The following NSMCE2 variants were observed in gnomAD, a reference collection of about 807,000 sequenced individuals.
The protein encoded by NSMCE2 is E3 SUMO-protein ligase NSE2.
In NSMCE2, 24 loss-of-function variants were observed where a neutral mutation model predicts 23.8. That is an observed-to-expected ratio of 1.01 (90% CI 0.73 to 1.42). The LOEUF is 1.42. NSMCE2 is among the 40% of genes most tolerant of loss of function. The pLI is 0.00. For missense variants in NSMCE2, 284 were observed against 296.5 expected (o/e 0.96, Z 0.31); for synonymous variants, 92 against 94.1 (o/e 0.98, Z 0.13).
chr8:125,208,904 CATT>C (rs1824218910), intron 5 of NSMCE2, among the ~76,000 whole-genome samples: 1 of 152,166 alleles, frequency 6.6e-6, no homozygotes, highest in Admixed American at 6.5e-5. Context: ...CTGTAGAAAA[CATT>C]ATGCTGGGAA....
At chr8:125,162,527 G>A (rs545065101) in intron 4 of NSMCE2, among the ~76,000 whole-genome samples, 145 of 152,024 alleles carry the variant, frequency 9.5e-4, no homozygotes, top group African/African-American at 3.1e-3. Context: ...TAGCTGTGTG[G>A]CCATAAGCAA....
chr8:125,222,207 C>T (rs192031754), intron 5 of NSMCE2, among the ~76,000 whole-genome samples: 1 of 152,016 alleles, frequency 6.6e-6, no homozygotes, highest in East Asian at 1.9e-4. Context: ...ATAAGGATGT[C>T]ATTGCCTTAA....
chr8:125,212,403 T>G (rs1372699875), intron 5 of NSMCE2, among the ~76,000 whole-genome samples: 1 of 152,084 alleles, frequency 6.6e-6, no homozygotes, highest in Non-Finnish European at 1.5e-5. Context: ...GTTTAAAGTA[T>G]GACCTCCTAG....
intron 5 of NSMCE2, chr8:125,348,152 C>A (rs1160668634): frequency 6.6e-6 from 1 of 152,134 alleles, no homozygotes; most frequent in Non-Finnish European, 1.5e-5. Context: ...CCATGCATGT[C>A]TAGCAGATAA....
chr8:125,320,299 A>AGGAT (rs1829397705), intron 5 of NSMCE2, among the ~76,000 whole-genome samples: 4 of 126,790 alleles, frequency 3.2e-5, no homozygotes, highest in African/African-American at 1.2e-4. Flanking sequence ...GAAGGAAGGA[A>AGGAT]GGAAGGAAGG....
chr8:125,298,480 C>T (rs1828415663), intron 5 of NSMCE2, among the ~76,000 whole-genome samples: 1 of 152,152 alleles, frequency 6.6e-6, no homozygotes, highest in Admixed American at 6.5e-5. Flanking sequence ...ATTGCCTGGT[C>T]CCTTAGCTCT....
intron 4 of NSMCE2, among the ~76,000 whole-genome samples, chr8:125,176,251 C>T (rs1394702763): frequency 2.0e-5 from 3 of 152,192 alleles, no homozygotes; most frequent in Non-Finnish European, 4.4e-5. Flanking sequence ...TCTGCTCTTG[C>T]TAGAGTCTCT....
intron 1 of NSMCE2, among the ~76,000 whole-genome samples, chr8:125,099,770 A>G (rs1039026820): frequency 6.6e-6 from 1 of 152,180 alleles, no homozygotes; most frequent in Non-Finnish European, 1.5e-5. Context: ...GAGGATTTGG[A>G]GACAAATGTA....
intron 4 of NSMCE2, among the ~76,000 whole-genome samples, chr8:125,171,639 C>T (rs1203695593): frequency 6.6e-6 from 1 of 152,196 alleles, no homozygotes; most frequent in Non-Finnish European, 1.5e-5. Context: ...GATCAGATTA[C>T]AGCATTTAAA....
rs145129992 is a variant in NSMCE2 at position 125,189,225 on chromosome 8, T to C, written c.418+6969T>C. On this transcript the variant is annotated intron_variant, in intron 5 of 7. Coordinates refer to ENST00000287437, the MANE Select transcript of NSMCE2 (RefSeq NM_173685.4). The stretch of plus-strand genomic sequence containing the variant: ...AGGGTGCTCCACACAGATGGAATAA[T>C]GACAAGAGCACACCTGAACAAAGGA... 3.3e-5 allele frequency among the ~76,000 whole-genome samples: 5 copies of C among 152,324 alleles called. No individual in the cohort carries two copies. In the East Asian group the frequency reaches 7.7e-4, roughly 23 times the overall value.
chr8:125,174,625 A>G (rs1337056412), intron 4 of NSMCE2, among the ~76,000 whole-genome samples: 1 of 152,232 alleles, frequency 6.6e-6, no homozygotes, highest in Non-Finnish European at 1.5e-5. Context: ...AGACTGGTCT[A>G]TTCAAACTAG....
intron 3 of NSMCE2, among the ~76,000 whole-genome samples, chr8:125,136,956 AG>A (rs1376611242): frequency 6.6e-6 from 1 of 152,158 alleles, no homozygotes; most frequent in Non-Finnish European, 1.5e-5. Context: ...TGTAAATATA[AG>A]GAGAAATGCA....
At chr8:125,250,295 G>T (rs1826151817) in intron 5 of NSMCE2, among the ~76,000 whole-genome samples, 1 of 151,722 alleles carries the variant, frequency 6.6e-6, no homozygotes, top group South Asian at 2.1e-4. Context: ...ATTATTTTTG[G>T]TATGGAAACA....
At chr8:125,110,969 C>T (rs1373879411) in intron 3 of NSMCE2, among the ~76,000 whole-genome samples, 1 of 151,690 alleles carries the variant, frequency 6.6e-6, no homozygotes, top group Non-Finnish European at 1.5e-5. Context: ...AAAGAAACCC[C>T]TGTTTGGCTA....
chr8:125,131,422 A>G (rs191817839), intron 3 of NSMCE2, among the ~76,000 whole-genome samples: 276 of 152,312 alleles, frequency 1.8e-3, no homozygotes, highest in African/African-American at 6.2e-3. Flanking sequence ...TCACTCATAT[A>G]TAACAAAACT....
At chr8:125,321,640 A>G (rs189071782) in intron 5 of NSMCE2, among the ~76,000 whole-genome samples, 88 of 152,386 alleles carry the variant, frequency 5.8e-4, no homozygotes, top group African/African-American at 1.9e-3. Flanking sequence ...AAAATTCTAA[A>G]TAACTTTTTA....
chr8:125,123,282 G>A (rs908947872), intron 3 of NSMCE2, among the ~76,000 whole-genome samples: 1 of 152,072 alleles, frequency 6.6e-6, no homozygotes, highest in African/African-American at 2.4e-5. Flanking sequence ...TAAAGTTTAT[G>A]TTTTAGTTTC....
intron 5 of NSMCE2, among the ~76,000 whole-genome samples, chr8:125,222,146 G>A (rs1214144583): frequency 6.6e-6 from 1 of 151,866 alleles, no homozygotes. Flanking sequence ...GAAAAAGCAG[G>A]CATGCAAATT....
At position 125,302,680 on chromosome 8, in the gene NSMCE2, C is replaced by T. The variant is rs112635202; in HGVS notation, c.419-54539C>T. 1.4e-3 allele frequency among the ~76,000 whole-genome samples: 210 copies of T among 152,176 alleles called. 2 individuals are homozygous for T. The highest frequency in any genetic ancestry group is 4.9e-3 in the African/African-American group (204 of 41,502). On this transcript the variant is annotated intron_variant, in intron 5 of 7. Transcript: ENST00000287437. ...ATGATATAAAGCAAATGGCCTGTCC[C>T]GAGAAAGGACCCTGAGACAGAGGGG...
Sources: allele counts gnomAD v4.1 joint callset (sites outside exome capture counted in the v4.1 genomes callset), GRCh38; gene constraint gnomAD v4.1.1; transcripts MANE v1.5; gene names NCBI Gene and HGNC (gene_info 2026-07-23, HGNC 2026-07-21).